Variants in MYBL1 observed in about 807,000 individuals in gnomAD.
The protein encoded by MYBL1 is MYB proto-oncogene like 1.
Under a neutral mutation model 96.3 loss-of-function variants are expected in MYBL1, and 17 were observed. That is an observed-to-expected ratio of 0.18 (90% CI 0.12 to 0.26). The LOEUF (loss-of-function observed/expected upper bound fraction) is 0.26. Ranked by LOEUF, MYBL1 falls within the 10% of genes least tolerant of loss-of-function variation. The pLI, the probability that MYBL1 is intolerant of heterozygous loss-of-function variation, is 1.00. For synonymous variants in MYBL1, 282 were observed against 292.7 expected (o/e 0.96, Z 0.37); for missense variants, 701 against 882.9 (o/e 0.79, Z 2.61).
At chr8:66,574,389 C>T (rs1808853230) in intron 10 of MYBL1, among the ~76,000 whole-genome samples, 1 of 152,156 alleles carries the variant, frequency 6.6e-6, no homozygotes, top group African/African-American at 2.4e-5. Context: ...TATGCCCAAG[C>T]CTACTTCACT....
chr8:66,595,838 A>C, intron 5 of MYBL1, 81 bp from the exon 6 acceptor site: 1 of 887,580 alleles, frequency 1.1e-6, no homozygotes, highest in Non-Finnish European at 1.6e-6. Flanking sequence ...CAAAGTGCTT[A>C]AAACAAATTT....
chr8:66,584,345 C>T, intron 8 of MYBL1, among the ~76,000 whole-genome samples: 1 of 152,070 alleles, frequency 6.6e-6, no homozygotes, highest in Non-Finnish European at 1.5e-5. Context: ...CACTTCTATT[C>T]AACACAGTAC....
At chr8:66,577,727 A>T (rs2129798326) in intron 9 of MYBL1, among the ~76,000 whole-genome samples, 1 of 152,268 alleles carries the variant, frequency 6.6e-6, no homozygotes, top group Non-Finnish European at 1.5e-5. Context: ...GGAAAAAACT[A>T]CTTTAAAGTT....
intron 12 of MYBL1, among the ~76,000 whole-genome samples, chr8:66,569,498 C>T (rs1185498068): frequency 6.6e-6 from 1 of 152,010 alleles, no homozygotes; most frequent in Non-Finnish European, 1.5e-5. Context: ...CACAGGTGCA[C>T]ACCACCATGC....
At position 66,595,764 on chromosome 8, in the gene MYBL1, A is replaced by T; in HGVS notation, c.513-7T>A. ...TTTGATAGAATTATCAGTCCTAAGA[A>T]AGGAAAGGTATGATTTAAAAAGAAA... On this transcript the variant is annotated splice_polypyrimidine_tract_variant and splice_region_variant and intron_variant, in intron 5 of 15. Coordinates refer to ENST00000522677, the MANE Select transcript of MYBL1 (RefSeq NM_001080416.4). 6.7e-7 allele frequency: 1 copy of T among 1,501,490 alleles called. No individual in the cohort carries two copies. 93.0% of individuals were successfully genotyped at this position (1,501,490 alleles called of 1,614,324 possible).
At chr8:66,564,964 T>C (rs1808447138) in intron 15 of MYBL1, 139 bp from the exon 16 acceptor site, 4 of 476,320 alleles carry the variant, frequency 8.4e-6, no homozygotes, top group Non-Finnish European at 1.4e-5. Context: ...ACAATGGCAC[T>C]GTATTTTTTT....
intron 10 of MYBL1, 26 bp from the exon 11 acceptor site, chr8:66,573,532 C>T (rs756596688): frequency 1.9e-5 from 30 of 1,563,614 alleles, no homozygotes; most frequent in Middle Eastern, 1.9e-4. Flanking sequence ...AGTTTAAAGA[C>T]GACTTCTAGA....
In MYBL1 at chr8:66,602,472, T is replaced by C; in HGVS notation, c.72A>G (p.Pro24=). 2.5e-6 allele frequency: 4 copies of C among 1,609,462 alleles called. No individual in the cohort carries two copies. The South Asian group carries it at 3.3e-5, about 13-fold the overall frequency. ...LQYADHDYEV[P]QQKGLKKLWN... ...AGAGTTTCTTCAGTCCTTTTTGTTG[T>C]GGTACTTCATAATCATGATCGGCAT... is the stretch of plus-strand genomic sequence containing the variant. The change falls in exon 2 of 16, where the codon CCA becomes CCG. Residue 24 remains proline, a synonymous_variant. Transcript: ENST00000522677.
intron 9 of MYBL1, among the ~76,000 whole-genome samples, chr8:66,579,170 C>T (rs1352372266): frequency 2.6e-5 from 4 of 151,096 alleles, no homozygotes; most frequent in Non-Finnish European, 4.4e-5. Flanking sequence ...GCATGGCACA[C>T]GTATACATAT....
chr8:66,565,105 C>G (rs1160678429), intron 15 of MYBL1: 1 of 178,628 alleles, frequency 5.6e-6, no homozygotes, highest in African/African-American at 2.4e-5. Flanking sequence ...ATAATTCCCC[C>G]CAAATCAAAT....
chr8:66,604,901 G>A (rs560975807), intron 1 of MYBL1, among the ~76,000 whole-genome samples: 279 of 152,284 alleles, frequency 1.8e-3, no homozygotes, highest in Middle Eastern at 3.4e-3. Flanking sequence ...CTTTGGGAGA[G>A]AGAAGAAAAT....
chr8:66,610,087 G>A (rs1303425043), intron 1 of MYBL1, among the ~76,000 whole-genome samples: 3 of 151,874 alleles, frequency 2.0e-5, no homozygotes, highest in African/African-American at 7.3e-5. Flanking sequence ...TAGTAAACAG[G>A]TTTCTAAATG....
At chr8:66,601,177 C>CAAAAAAAAA (rs1167336780) in intron 3 of MYBL1, among the ~76,000 whole-genome samples, 1 of 13,912 alleles carries the variant, frequency 7.2e-5, no homozygotes, top group African/African-American at 1.9e-4. Context: ...AACTCCGTCT[C>CAAAAAAAAA]AAAAAAAAAA....
At chr8:66,570,102 T>C (rs1314240493) in intron 12 of MYBL1, among the ~76,000 whole-genome samples, 2 of 152,170 alleles carry the variant, frequency 1.3e-5, no homozygotes, top group African/African-American at 2.4e-5. Flanking sequence ...TATGAGCCTA[T>C]AGATATTCTA....
rs760602888 is a variant in MYBL1, at chr8:66,575,999, A to C, written c.1470+8T>G. 3 of 1,600,218 alleles carry C rather than the reference A, an allele frequency of 1.9e-6. No homozygotes were observed. In the East Asian group the frequency reaches 6.7e-5, roughly 36 times the overall value. On this transcript the variant is annotated splice_region_variant and intron_variant, in intron 10 of 15. Transcript: ENST00000522677. The stretch of plus-strand genomic sequence containing the variant: ...ATTTAGAAACATAAACAAAATGAAC[A>C]CCACTACCTGTGAAGGAGAAAATGG...
chr8:66,583,277 A>C (rs1338116421), intron 8 of MYBL1, among the ~76,000 whole-genome samples: 1 of 152,154 alleles, frequency 6.6e-6, no homozygotes, highest in Non-Finnish European at 1.5e-5. Flanking sequence ...AAACCAAAAC[A>C]TTTCTGGAAA....
intron 11 of MYBL1, 82 bp downstream of exon 11, chr8:66,573,282 C>T: frequency 1.6e-6 from 2 of 1,261,030 alleles, no homozygotes; most frequent in South Asian, 1.9e-5. Context: ...ATGATACTTG[C>T]TATTTATATG....
Position 66,580,141 on chromosome 8 carries a change from TAAG to T in MYBL1, c.1090_1092del (p.Leu364del). On this transcript the variant is annotated inframe_deletion, in exon 9 of 16. Coordinates refer to ENST00000522677, the MANE Select transcript of MYBL1 (RefSeq NM_001080416.4). ...TACAATTTTTTACTTACAGATTCAA[TAAG>T]TTCTAGAGTCTCTGCAAATTCTGGG... 6.3e-7 allele frequency: 1 copy of T among 1,599,166 alleles called. No homozygotes were observed. The highest frequency in any genetic ancestry group is 8.6e-7 in the Non-Finnish European group (1 of 1,169,324).
intron 8 of MYBL1, among the ~76,000 whole-genome samples, chr8:66,589,138 T>G (rs568222997): frequency 6.6e-6 from 1 of 152,360 alleles, no homozygotes; most frequent in East Asian, 1.9e-4. Context: ...GAACAGATTT[T>G]AGATAGTGAG....
Sources: allele counts gnomAD v4.1 joint callset (sites outside exome capture counted in the v4.1 genomes callset), GRCh38; gene constraint gnomAD v4.1.1; transcripts MANE v1.5; gene names NCBI Gene and HGNC (gene_info 2026-07-23, HGNC 2026-07-21).